SAMD8: variants seen among roughly 807,000 people sequenced by gnomAD.
SAMD8 encodes the protein sphingomyelin synthase-related protein 1.
In SAMD8, 20 loss-of-function variants were observed where a neutral mutation model predicts 42.0. The ratio of observed to expected loss-of-function variants is 0.48; its 90% CI spans 0.34 to 0.69. The LOEUF (loss-of-function observed/expected upper bound fraction) is 0.69. SAMD8 is among the 30% of genes least tolerant of loss of function. The pLI is 0.01. For missense variants in SAMD8, 328 were observed against 511.6 expected (o/e 0.64, Z 3.46); for synonymous variants, 162 against 173.0 (o/e 0.94, Z 0.50).
upstream of SAMD8, chr10:75,108,145 G>A: frequency 6.2e-7 from 1 of 1,613,184 alleles, no homozygotes; most frequent in East Asian, 2.2e-5. Context: ...AGGCCCTTGT[G>A]GGCGGCGTTC....
intron 1 of SAMD8, chr10:75,104,123 ACAGG>A: frequency 7.6e-7 from 1 of 1,318,094 alleles, no homozygotes; most frequent in South Asian, 1.2e-5. Context: ...GCTCTGTGTT[ACAGG>A]CAGGTGAACC....
upstream of SAMD8, among the ~76,000 whole-genome samples, chr10:75,110,968 A>T (rs988913065): frequency 6.6e-6 from 1 of 151,888 alleles, no homozygotes; most frequent in African/African-American, 2.4e-5. Flanking sequence ...GGTATGCACC[A>T]CCACGCCCGG....
chr10:75,120,454 A>G (rs1449699552), intron 1 of SAMD8, among the ~76,000 whole-genome samples: 1 of 151,514 alleles, frequency 6.6e-6, no homozygotes, highest in Non-Finnish European at 1.5e-5. Context: ...TATTTTTAGT[A>G]GAGATGGGGT....
chr10:75,133,014 G>A (rs1849308233), intron 1 of SAMD8, among the ~76,000 whole-genome samples: 1 of 151,912 alleles, frequency 6.6e-6, no homozygotes, highest in Non-Finnish European at 1.5e-5. Flanking sequence ...AAAGAAAAAG[G>A]CAGGTTTTTG....
chr10:75,111,743 A>T, intron 1 of SAMD8, 21 bp downstream of exon 1: 1 of 1,233,004 alleles, frequency 8.1e-7, no homozygotes, highest in Non-Finnish European at 1.0e-6. Flanking sequence ...GCTGAGGCTG[A>T]GGAGAGGGGA....
intron 1 of SAMD8, among the ~76,000 whole-genome samples, chr10:75,133,370 T>A (rs1849316625): frequency 6.6e-6 from 1 of 152,170 alleles, no homozygotes; most frequent in Admixed American, 6.5e-5. Context: ...ACCACTGCAC[T>A]CCAGCCTGGA....
intron 4 of SAMD8, among the ~76,000 whole-genome samples, chr10:75,173,244 G>A (rs1840910564): frequency 6.6e-6 from 1 of 152,060 alleles, no homozygotes; most frequent in Non-Finnish European, 1.5e-5. Context: ...TGCAGTAATT[G>A]TTATAAATAG....
intron 1 of SAMD8, among the ~76,000 whole-genome samples, chr10:75,112,551 G>A (rs1833815167): frequency 1.3e-5 from 2 of 152,152 alleles, no homozygotes; most frequent in African/African-American, 4.8e-5. Context: ...GTAGTGGAGA[G>A]GAAGTGATGT....
Position 75,169,153 on chromosome 10 carries a change from G to C in SAMD8, c.792+495G>C, listed in dbSNP as rs112624587. 3.5e-3 allele frequency among the ~76,000 whole-genome samples: 408 copies of C among 117,386 alleles called. 1 individual carries two copies. Among genetic ancestry groups the C allele is most frequent in the African/African-American group, 0.013 (391 of 29,230 alleles). The allele number at this position is 117,386 out of a possible 152,430, so 77.0% of individuals were successfully genotyped here. The stretch of plus-strand genomic sequence containing the variant: ...CCACTGCACTCCAGCCTGGGCAACA[G>C]AGCGAGACTCCATCTCAAAAAAAAA... On this transcript the variant is annotated intron_variant, in intron 4 of 5. Coordinates refer to ENST00000542569, the MANE Select transcript of SAMD8 (RefSeq NM_001174156.2).
intron 1 of SAMD8, among the ~76,000 whole-genome samples, chr10:75,115,613 A>C (rs1848860355): frequency 6.6e-6 from 1 of 152,162 alleles, no homozygotes; most frequent in Non-Finnish European, 1.5e-5. Context: ...TTCCGTATTG[A>C]AATGTTCTGT....
intron 1 of SAMD8, chr10:75,104,055 T>C (rs1403470375): frequency 7.3e-7 from 1 of 1,361,588 alleles, no homozygotes; most frequent in Non-Finnish European, 9.8e-7. Flanking sequence ...AGTGCCAGGG[T>C]GGCAAAGTGG....
intron 1 of SAMD8, among the ~76,000 whole-genome samples, chr10:75,116,871 G>A (rs985050095): frequency 3.9e-5 from 6 of 151,928 alleles, no homozygotes; most frequent in Admixed American, 6.6e-5. Flanking sequence ...GTGCAGTGGC[G>A]TGATGTCAGT....
At chr10:75,166,234 G>C (rs533948090) in intron 3 of SAMD8, among the ~76,000 whole-genome samples, 1 of 151,976 alleles carries the variant, frequency 6.6e-6, no homozygotes, top group African/African-American at 2.4e-5. Flanking sequence ...AGGAAGCCTG[G>C]GGGGCTCCTT....
chr10:75,146,010 TTCAA>T (rs1028520182), intron 1 of SAMD8, among the ~76,000 whole-genome samples: 5 of 152,300 alleles, frequency 3.3e-5, no homozygotes, highest in Admixed American at 2.0e-4. Flanking sequence ...CAGCTAAATA[TTCAA>T]GAGAGACCCG....
At chr10:75,156,338 A>G (rs1355955851) in intron 2 of SAMD8, among the ~76,000 whole-genome samples, 1 of 152,208 alleles carries the variant, frequency 6.6e-6, no homozygotes, top group East Asian at 1.9e-4. Flanking sequence ...GAATAATACG[A>G]GCAAATAAAT....
Position 75,180,180 on chromosome 10 carries a change from T to TC in SAMD8, c.*3490dup. 1 of 152,322 alleles carries TC rather than the reference T, an allele frequency of 6.6e-6. No homozygotes were observed. The highest frequency in any genetic ancestry group is 3.4e-3 in the Middle Eastern group (1 of 294). The allele number at this position is 152,322 out of a possible 1,614,324, so 9.4% of individuals were successfully genotyped here. A position where few individuals can be genotyped will look rare whatever the true frequency, so the allele number is the denominator to read the frequency against. Reference sequence around the variant, plus strand: ...GCTGCAAGAATTCTTTATGTGGCTATCCTCTCCATAGTTTTCTGACCAGAA... The same window carrying TC: ...GCTGCAAGAATTCTTTATGTGGCTATCCCTCTCCATAGTTTTCTGACCAGAA... On this transcript the variant is annotated 3_prime_UTR_variant, in exon 6 of 6. Coordinates refer to ENST00000542569, the MANE Select transcript of SAMD8 (RefSeq NM_001174156.2).
chr10:75,127,950 C>G (rs1199631183), intron 1 of SAMD8, among the ~76,000 whole-genome samples: 1 of 152,232 alleles, frequency 6.6e-6, no homozygotes, highest in South Asian at 2.1e-4. Context: ...GTGATAAACC[C>G]TTTACCGGTC....
chr10:75,143,650 C>G (rs1840070212), intron 1 of SAMD8, among the ~76,000 whole-genome samples: 1 of 151,600 alleles, frequency 6.6e-6, no homozygotes, highest in Non-Finnish European at 1.5e-5. Flanking sequence ...TACCTTTGTT[C>G]CTAATGTGTC....
Position 75,169,377 on chromosome 10 carries a change from C to T in SAMD8, c.792+719C>T, listed in dbSNP as rs562731440. 7.6e-4 allele frequency among the ~76,000 whole-genome samples: 113 copies of T among 148,490 alleles called. 1 individual carries two copies. The highest frequency in any genetic ancestry group is 2.7e-3 in the African/African-American group (110 of 40,204). On this transcript the variant is annotated intron_variant, in intron 4 of 5. Coordinates refer to ENST00000542569, the MANE Select transcript of SAMD8 (RefSeq NM_001174156.2). Reference sequence around the variant, plus strand: ...GTGGACGCCTGTAATCCCAGCTACTCGGGAGGCTGAGGTTCAATCGCTTGA... The same window carrying T: ...GTGGACGCCTGTAATCCCAGCTACTTGGGAGGCTGAGGTTCAATCGCTTGA...
Sources: allele counts gnomAD v4.1 joint callset (sites outside exome capture counted in the v4.1 genomes callset), GRCh38; gene constraint gnomAD v4.1.1; transcripts MANE v1.5; gene names NCBI Gene and HGNC (gene_info 2026-07-23, HGNC 2026-07-21).